Variants in XYLB observed in about 807,000 individuals in gnomAD.
The protein encoded by XYLB is xylulokinase, also known as xylulose kinase.
In XYLB, 62 loss-of-function variants were observed where a neutral mutation model predicts 78.7. The observed-to-expected ratio is 0.79, with a 90% CI of 0.64 to 0.97. XYLB has a LOEUF of 0.97. Ranked by LOEUF, XYLB falls within the 50% of genes least tolerant of loss-of-function variation. XYLB has a pLI of 0.00. For synonymous variants in XYLB, 245 were observed against 247.4 expected (o/e 0.99, Z 0.09); for missense variants, 687 against 676.8 (o/e 1.02, Z -0.17).
At chr3:38,385,341 A>G (rs1420144543) in intron 15 of XYLB, among the ~76,000 whole-genome samples, 2 of 151,238 alleles carry the variant, frequency 1.3e-5, no homozygotes, top group Middle Eastern at 3.4e-3. Context: ...TTGTTTGTGT[A>G]TTTTTTTTCC....
chr3:38,349,206 A>G (rs567408163), intron 2 of XYLB, among the ~76,000 whole-genome samples: 1 of 152,356 alleles, frequency 6.6e-6, no homozygotes, highest in Non-Finnish European at 1.5e-5. Flanking sequence ...CCCTGTGGCA[A>G]GAAAGAGCAT....
chr3:38,400,855 A>G (rs1708092422), intron 17 of XYLB, 36 bp from the exon 18 acceptor site: 2 of 1,579,262 alleles, frequency 1.3e-6, no homozygotes, highest in Non-Finnish European at 1.7e-6. Context: ...CTTCACTTGC[A>G]ACATGCACTA....
chr3:38,352,386 AT>A (rs1229443093), intron 2 of XYLB, among the ~76,000 whole-genome samples: 1 of 152,234 alleles, frequency 6.6e-6, no homozygotes, highest in Non-Finnish European at 1.5e-5. Context: ...ATGTATTGAC[AT>A]GTAAACACAG....
intron 6 of XYLB, 26 bp from the exon 7 acceptor site, chr3:38,366,782 C>T: frequency 6.4e-7 from 1 of 1,559,480 alleles, no homozygotes; most frequent in South Asian, 1.1e-5. Flanking sequence ...GATTTGGGTT[C>T]CTAAGAATTT....
the XYLB span, among the ~76,000 whole-genome samples, chr3:38,440,219 T>C: frequency 6.6e-6 from 1 of 152,226 alleles, no homozygotes; most frequent in Non-Finnish European, 1.5e-5. Context: ...GTTACACTGT[T>C]AACTTTTAGC....
chr3:38,395,871 T>C (rs1354892849), intron 16 of XYLB, among the ~76,000 whole-genome samples: 2 of 152,244 alleles, frequency 1.3e-5, no homozygotes, highest in African/African-American at 4.8e-5. Context: ...GCCAGTGTTC[T>C]TGTCTTCCTC....
the XYLB span, among the ~76,000 whole-genome samples, chr3:38,446,365 G>C: frequency 4.6e-5 from 7 of 152,240 alleles, no homozygotes; most frequent in Middle Eastern, 3.4e-3. Flanking sequence ...CCTAGCTATA[G>C]AGCACTGATT....
chr3:38,351,334 CCTCA>C (rs1210823977), intron 2 of XYLB, among the ~76,000 whole-genome samples: 2 of 151,532 alleles, frequency 1.3e-5, no homozygotes, highest in Non-Finnish European at 2.9e-5. Flanking sequence ...ATTTCCTCTC[CCTCA>C]CTCTCTCTTC....
chr3:38,405,381 A>C (rs1181960083), intron 18 of XYLB, among the ~76,000 whole-genome samples: 143 of 151,066 alleles, frequency 9.5e-4, no homozygotes, highest in Non-Finnish European at 1.6e-3. Flanking sequence ...TAAAAAAAAA[A>C]AAAAAAAAAA....
chr3:38,436,651 T>G, the XYLB span, among the ~76,000 whole-genome samples: 1 of 152,108 alleles, frequency 6.6e-6, no homozygotes, highest in Non-Finnish European at 1.5e-5. Context: ...CTGATGAACA[T>G]TAATACAACA....
At chr3:38,353,314 A>AT (rs996573141) in intron 2 of XYLB, among the ~76,000 whole-genome samples, 1 of 151,642 alleles carries the variant, frequency 6.6e-6, no homozygotes, top group Non-Finnish European at 1.5e-5. Context: ...TATTTAATTT[A>AT]TTTTTTTTAT....
chr3:38,419,166 C>T (rs1708893142), downstream of XYLB, among the ~76,000 whole-genome samples: 1 of 152,072 alleles, frequency 6.6e-6, no homozygotes, highest in Admixed American at 6.5e-5. Context: ...CTGGCTTATT[C>T]CACTTCGTGT....
At position 38,395,619 on chromosome 3, in the gene XYLB, A is replaced by G; in HGVS notation, c.1350+56A>G. On this transcript the variant is annotated intron_variant, in intron 16 of 18. Transcript: ENST00000207870. ...GCCTCTCCCATATCTGTTATGTCTA[A>G]GAGCCAGAGACTGGATAGGAAGGAC... The G allele has an allele frequency of 1.9e-6, 3 of 1,571,908 alleles. No homozygotes were observed. In the South Asian group the frequency reaches 3.3e-5, roughly 17 times the overall value.
At position 38,371,277 on chromosome 3, in the gene XYLB, T is replaced by C. The variant is rs915390535; in HGVS notation, c.765+1103T>C. Reference sequence around the variant, plus strand: ...GCTTGCTCCACCATGCACAGCTAATTTTTTTTTTTTTTTGAGACAGAGTCT... The same window carrying C: ...GCTTGCTCCACCATGCACAGCTAATCTTTTTTTTTTTTTGAGACAGAGTCT... On this transcript the variant is annotated intron_variant, in intron 9 of 18. Transcript: ENST00000207870. 2.3e-3 allele frequency among the ~76,000 whole-genome samples: 7 copies of C among 3,088 alleles called. No individual in the cohort carries two copies. The Non-Finnish European group carries it at 0.023, about 10-fold the overall frequency. The allele number at this position is 3,088 out of a possible 152,430, so 2.0% of individuals were successfully genotyped here.
At chr3:38,363,637 C>T (rs1405216997) in intron 4 of XYLB, among the ~76,000 whole-genome samples, 1 of 152,166 alleles carries the variant, frequency 6.6e-6, no homozygotes, top group Non-Finnish European at 1.5e-5. Context: ...TTCTGGTGCC[C>T]CCGTATTCTC....
intron 16 of XYLB, 23 bp downstream of exon 16, chr3:38,395,586 A>G (rs768395754): frequency 5.6e-6 from 9 of 1,611,194 alleles, no homozygotes; most frequent in Non-Finnish European, 6.8e-6. Flanking sequence ...AGTGGGCCTT[A>G]CACCATGGCC....
At chr3:38,372,033 G>T (rs1706593159) in intron 9 of XYLB, among the ~76,000 whole-genome samples, 1 of 152,218 alleles carries the variant, frequency 6.6e-6, no homozygotes, top group Non-Finnish European at 1.5e-5. Flanking sequence ...GCAGCTTGAG[G>T]ATCGGGAAAG....
At chr3:38,409,322 G>A (rs1708472931) in intron 18 of XYLB, among the ~76,000 whole-genome samples, 1 of 152,142 alleles carries the variant, frequency 6.6e-6, no homozygotes, top group African/African-American at 2.4e-5. Context: ...AAAGGCCTTT[G>A]ACAAAATTCA....
At chr3:38,440,220 A>G in the XYLB span, among the ~76,000 whole-genome samples, 10 of 152,210 alleles carry the variant, frequency 6.6e-5, no homozygotes, top group African/African-American at 2.2e-4. Flanking sequence ...TTACACTGTT[A>G]ACTTTTAGCA....
Sources: allele counts gnomAD v4.1 joint callset (sites outside exome capture counted in the v4.1 genomes callset), GRCh38; gene constraint gnomAD v4.1.1; transcripts MANE v1.5; gene names NCBI Gene and HGNC (gene_info 2026-07-23, HGNC 2026-07-21).